Variants in MBD5 observed in about 807,000 individuals in gnomAD.
The protein encoded by MBD5 is methyl-CpG binding domain protein 5.
In MBD5, 13 loss-of-function variants were observed where a neutral mutation model predicts 117.3. The ratio of observed to expected loss-of-function variants is 0.11; its 90% CI spans 0.07 to 0.18. MBD5 has a LOEUF of 0.18. Among genes scored for constraint, MBD5 ranks in the 10% least tolerant of loss-of-function variants. The probability of loss-of-function intolerance (pLI) is 1.00; values close to 1 mark genes in which losing one functional copy is unlikely to be tolerated. For synonymous variants in MBD5, 727 were observed against 766.4 expected, an observed-to-expected ratio of 0.95 and a Z score of 0.85; for missense variants, 1,879 against 2,093.8, an observed-to-expected ratio of 0.90 and a Z score of 2.00.
chr2:148,413,258 A>G (rs1705319048), intron 4 of MBD5, among the ~76,000 whole-genome samples: 1 of 152,190 alleles, frequency 6.6e-6, no homozygotes, highest in Non-Finnish European at 1.5e-5. Flanking sequence ...CGTATGATAA[A>G]TCACATTTAT....
chr2:148,243,197 A>G (rs1700256326), intron 3 of MBD5, among the ~76,000 whole-genome samples: 2 of 150,910 alleles, frequency 1.3e-5, no homozygotes, highest in African/African-American at 4.9e-5. Context: ...TTTTATTTTT[A>G]TCTAGACTAA....
intron 1 of MBD5, among the ~76,000 whole-genome samples, chr2:148,130,414 A>T (rs572027259): frequency 6.6e-6 from 1 of 152,186 alleles, no homozygotes; most frequent in South Asian, 2.1e-4. Flanking sequence ...AACCATGCAA[A>T]ATTATTTTTG....
At chr2:148,067,604 C>T (rs16828203) in intron 1 of MBD5, among the ~76,000 whole-genome samples, 1,871 of 152,234 alleles carry the variant, frequency 0.012, 44 homozygotes, top group African/African-American at 0.043. Context: ...TAAACTGCTA[C>T]CTAGAATTAA....
intron 7 of MBD5, 68 bp from the exon 8 acceptor site, chr2:148,468,273 C>T (rs1206013936): frequency 9.7e-6 from 13 of 1,333,586 alleles, no homozygotes; most frequent in Non-Finnish European, 1.4e-5. Context: ...TCCTCCATTC[C>T]TTCCCTCCCT....
At chr2:148,143,599 A>G (rs910728651) in intron 1 of MBD5, among the ~76,000 whole-genome samples, 3 of 151,886 alleles carry the variant, frequency 2.0e-5, no homozygotes, top group Admixed American at 6.6e-5. Flanking sequence ...TACATTGGCT[A>G]TATCTCCTAA....
chr2:148,101,248 C>A (rs1696208412), intron 1 of MBD5, among the ~76,000 whole-genome samples: 2 of 151,730 alleles, frequency 1.3e-5, no homozygotes, highest in African/African-American at 4.8e-5. Flanking sequence ...GCCAGGAGTT[C>A]AAGACCAGCC....
At chr2:148,258,559 A>G (rs1475537260) in intron 3 of MBD5, among the ~76,000 whole-genome samples, 1 of 152,062 alleles carries the variant, frequency 6.6e-6, no homozygotes, top group African/African-American at 2.4e-5. Context: ...CCCTAATGAA[A>G]CAGAAACAGC....
At chr2:148,417,288 C>CTTTTTTTT (rs745409695) in intron 4 of MBD5, among the ~76,000 whole-genome samples, 128 of 91,798 alleles carry the variant, frequency 1.4e-3, no homozygotes, top group Middle Eastern at 6.7e-3. Flanking sequence ...ATGCACAGCT[C>CTTTTTTTT]TTTTTTTTTT....
chr2:148,162,334 T>C (rs1007462927), intron 1 of MBD5, among the ~76,000 whole-genome samples: 21 of 152,190 alleles, frequency 1.4e-4, no homozygotes, highest in African/African-American at 1.9e-4. Context: ...AAATAACTTA[T>C]CTTCACTCAT....
At chr2:148,166,617 A>G (rs1422350143) in intron 1 of MBD5, among the ~76,000 whole-genome samples, 1 of 151,902 alleles carries the variant, frequency 6.6e-6, no homozygotes, top group African/African-American at 2.4e-5. Context: ...TCTTCTGTGT[A>G]TTTGCGTTTT....
chr2:148,399,807 T>C (rs554139214), intron 4 of MBD5, among the ~76,000 whole-genome samples: 2 of 152,268 alleles, frequency 1.3e-5, no homozygotes, highest in South Asian at 2.1e-4. Flanking sequence ...AGATAACTCT[T>C]ATTATTTTGA....
At chr2:148,265,548 ATT>A (rs5835182) in intron 3 of MBD5, among the ~76,000 whole-genome samples, 2 of 152,120 alleles carry the variant, frequency 1.3e-5, no homozygotes, top group African/African-American at 4.8e-5. Context: ...ATAAAAAACT[ATT>A]TTTTCATACC....
intron 3 of MBD5, among the ~76,000 whole-genome samples, chr2:148,239,381 T>C (rs1700161133): frequency 6.6e-6 from 1 of 152,112 alleles, no homozygotes; most frequent in African/African-American, 2.4e-5. Context: ...GGTTTACAGA[T>C]TCAAGATCAC....
chr2:148,224,203 G>C (rs192875552), intron 2 of MBD5, among the ~76,000 whole-genome samples: 176 of 152,330 alleles, frequency 1.2e-3, no homozygotes, highest in African/African-American at 4.0e-3. Flanking sequence ...GCCATTGGAT[G>C]AACTGTTCTG....
At chr2:148,105,786 C>T (rs1009711868) in intron 1 of MBD5, among the ~76,000 whole-genome samples, 2 of 151,716 alleles carry the variant, frequency 1.3e-5, no homozygotes, top group Non-Finnish European at 1.5e-5. Flanking sequence ...AACTTTCATC[C>T]TTCTTTTCCA....
chr2:148,235,841 C>T (rs1292810159), intron 3 of MBD5, among the ~76,000 whole-genome samples: 3 of 152,122 alleles, frequency 2.0e-5, no homozygotes, highest in African/African-American at 7.2e-5. Context: ...CTCTCTCTTC[C>T]AGGCTGGAGT....
chr2:148,035,362 A>C (rs1203384189), intron 1 of MBD5, among the ~76,000 whole-genome samples: 11 of 152,088 alleles, frequency 7.2e-5, no homozygotes, highest in Admixed American at 7.2e-4. Flanking sequence ...ATGCGTTAAA[A>C]ATTTTTTCTT....
intron 8 of MBD5, 112 bp from the exon 9 acceptor site, chr2:148,482,998 G>A: frequency 8.6e-7 from 1 of 1,169,428 alleles, no homozygotes; most frequent in Non-Finnish European, 1.2e-6. Context: ...AATCAATGAA[G>A]GTGCCATGGA....
At chr2:148,412,171 A>G (rs1234247183) in intron 4 of MBD5, among the ~76,000 whole-genome samples, 1 of 151,866 alleles carries the variant, frequency 6.6e-6, no homozygotes, top group African/African-American at 2.4e-5. Context: ...GTAGGTGTGC[A>G]GCTTTACTTC....
Sources: gnomAD v4.1 joint callset for allele counts (sites outside exome capture counted in the v4.1 genomes callset) on GRCh38, gnomAD v4.1.1 for gene constraint, MANE v1.5 for transcripts, NCBI Gene and HGNC (gene_info 2026-07-23, HGNC 2026-07-21) for gene names.